Variants in SOD2 observed in about 807,000 individuals in gnomAD.
SOD2 encodes superoxide dismutase [Mn], mitochondrial.
A neutral mutation model predicts 27.0 loss-of-function variants in SOD2; 11 were observed. That is an observed-to-expected ratio of 0.41 (90% confidence interval 0.26 to 0.67). SOD2 has a LOEUF of 0.67. Among genes scored for constraint, SOD2 ranks in the 30% least tolerant of loss-of-function variants. The probability of loss-of-function intolerance (pLI) is 0.34; values close to 1 mark genes in which losing one functional copy is unlikely to be tolerated. For missense variants in SOD2, 250 were observed against 274.5 expected (o/e 0.91, Z 0.63); for synonymous variants, 105 against 103.0 (o/e 1.02, Z -0.12).
chr6:159,685,219 CT>C (rs750824041), intron 3 of SOD2, among the ~76,000 whole-genome samples, 186 bp from the exon 4 acceptor site: 560 of 73,924 alleles, frequency 7.6e-3, no homozygotes, highest in African/African-American at 0.021. Flanking sequence ...ATAACTTCAA[CT>C]TTTTTTTTTT....
intron 1 of SOD2, among the ~76,000 whole-genome samples, chr6:159,723,623 G>C (rs773038978): frequency 2.0e-5 from 3 of 152,134 alleles, no homozygotes; most frequent in Non-Finnish European, 2.9e-5. Context: ...ATACATCCTG[G>C]TTCAGCCAGG....
At position 159,714,846 on chromosome 6, in the gene SOD2, T is replaced by G. The variant is rs78933761; in HGVS notation, c.-116+12283A>C. Among the ~76,000 whole-genome samples the G allele has an allele frequency of 5.0e-4, 76 of 152,228 alleles. 3 individuals are homozygous for G. The highest frequency in any genetic ancestry group is 1.8e-3 in the African/African-American group (73 of 41,546). On this transcript the variant is annotated intron_variant, in intron 1 of 2. Transcript: ENST00000401980. Reference sequence around the variant, plus strand: ...GTAGACTGCCTCCTTTCTTGGACCTTTAGTTATACATAAGAGGCTTTTGCT... The same window carrying G: ...GTAGACTGCCTCCTTTCTTGGACCTGTAGTTATACATAAGAGGCTTTTGCT...
rs145164474 is a variant in SOD2, at chr6:159,714,164, A to G, written c.-116+12965T>C. Among the ~76,000 whole-genome samples, 53 of 152,326 alleles carry G rather than the reference A, an allele frequency of 3.5e-4. 1 individual carries two copies. Among genetic ancestry groups the G allele is most frequent in the African/African-American group, 1.3e-3 (53 of 41,570 alleles). ...GGCTTTACCTCTAATCTCTGCTGCCATCTGACTTCTCTGTGCCTCTGCTGT... is the reference window on the plus strand; with the variant it reads ...GGCTTTACCTCTAATCTCTGCTGCCGTCTGACTTCTCTGTGCCTCTGCTGT... On this transcript the variant is annotated intron_variant, in intron 1 of 2. Coordinates refer to the SOD2 transcript ENST00000401980.
In SOD2 at chr6:159,672,806, TAA is replaced by T. The variant is rs1233507003; in HGVS notation, c.*9685_*9686del. On this transcript the variant is annotated 3_prime_UTR_variant, in exon 5 of 5. Coordinates refer to ENST00000538183, the MANE Select transcript of SOD2 (RefSeq NM_000636.4). ...AAAAGACACAGACTGGCACACTGGA[TAA>T]AGAGTCAAGACCCATCAGGGTGCTG... The T allele has an allele frequency of 3.3e-5, 5 of 151,760 alleles. No individual in the cohort carries two copies. Among genetic ancestry groups the T allele is most frequent in the Non-Finnish European group, 7.4e-5 (5 of 67,984 alleles). 9.4% of individuals were successfully genotyped at this position (151,760 alleles called of 1,614,324 possible).
In SOD2 at chr6:159,759,446, C is replaced by T. The variant is rs576003383; in HGVS notation, c.-336+1591G>A. On this transcript the variant is annotated intron_variant, in intron 1 of 7. Transcript: ENST00000546087. ...CAGCACTTTGGGAGGCCGAGGTGGG[C>T]GGATCACAAGGTCAGGAGTTCGAGA... 1.1e-4 allele frequency among the ~76,000 whole-genome samples: 16 copies of T among 150,866 alleles called. No individual in the cohort carries two copies. The South Asian group carries it at 1.3e-3, about 12-fold the overall frequency.
intron 1 of SOD2, among the ~76,000 whole-genome samples, chr6:159,737,881 G>A (rs1454038989): frequency 6.6e-6 from 1 of 152,180 alleles, no homozygotes; most frequent in African/African-American, 2.4e-5. Flanking sequence ...TTTGAAGCAT[G>A]TTAGCTTATG....
At chr6:159,712,289 ACCATAACCACCT>A (rs1197190670) in intron 1 of SOD2, among the ~76,000 whole-genome samples, 3 of 136,956 alleles carry the variant, frequency 2.2e-5, no homozygotes, top group Non-Finnish European at 3.1e-5. Context: ...TGCTCTGATC[ACCATAACCACCT>A]CCATAACCAC....
At position 159,674,032 on chromosome 6, in the gene SOD2, C is replaced by G. The variant is rs1364360031; in HGVS notation, c.*8461G>C. 3 of 152,138 alleles carry G rather than the reference C, an allele frequency of 2.0e-5. No homozygotes were observed. The highest frequency in any genetic ancestry group is 6.5e-5 in the Admixed American group (1 of 15,274). 9.4% of individuals were successfully genotyped at this position (152,138 alleles called of 1,614,324 possible). A position where few individuals can be genotyped will look rare whatever the true frequency, so the allele number is the denominator to read the frequency against. ...AAATTCCTGGACACATACACCCTCTCAAAACTAAACCAGGAAGAAGTTTAA... is the reference window on the plus strand; with the variant it reads ...AAATTCCTGGACACATACACCCTCTGAAAACTAAACCAGGAAGAAGTTTAA... On this transcript the variant is annotated 3_prime_UTR_variant, in exon 5 of 5. Coordinates refer to ENST00000538183, the MANE Select transcript of SOD2 (RefSeq NM_000636.4).
At chr6:159,704,495 G>C (rs1042331475) in intron 1 of SOD2, among the ~76,000 whole-genome samples, 4 of 152,262 alleles carry the variant, frequency 2.6e-5, no homozygotes, top group African/African-American at 9.6e-5. Context: ...GCCTGGCTCA[G>C]AGGGTGCCAC....
chr6:159,696,507 A>G (rs1233309419), upstream of SOD2, among the ~76,000 whole-genome samples: 1 of 151,420 alleles, frequency 6.6e-6, no homozygotes, highest in Admixed American at 6.6e-5. Flanking sequence ...TTTAGTGGAG[A>G]TGGGGTTTCA....
At chr6:159,701,776 G>A (rs576480068) in intron 1 of SOD2, among the ~76,000 whole-genome samples, 1 of 152,176 alleles carries the variant, frequency 6.6e-6, no homozygotes, top group East Asian at 1.9e-4. Context: ...GTATTTGAAT[G>A]GTACCCAACA....
At chr6:159,731,254 A>T (rs1442290257), upstream of SOD2, among the ~76,000 whole-genome samples, 3 of 151,974 alleles carry the variant, frequency 2.0e-5, no homozygotes, top group Admixed American at 1.3e-4. Context: ...TGAGCCCAGG[A>T]GTTCAAGACC....
rs1057397202 is a variant in SOD2 at position 159,680,206 on chromosome 6, G to A, written c.*2287C>T. 6.6e-6 allele frequency: 1 copy of A among 152,200 alleles called. No individual in the cohort carries two copies. The highest frequency in any genetic ancestry group is 2.4e-5 in the African/African-American group (1 of 41,448). 9.4% of individuals were successfully genotyped at this position (152,200 alleles called of 1,614,324 possible). A position where few individuals can be genotyped will look rare whatever the true frequency, so the allele number is the denominator to read the frequency against. On this transcript the variant is annotated 3_prime_UTR_variant, in exon 5 of 5. Transcript: ENST00000538183. ...ACCTTGTTAGTTCAATACAAACCAT[G>A]ATCTAGCAGACAACTTATATTCAAA...
exon 1 of SOD2, chr6:159,762,132 G>A: frequency 6.2e-7 from 1 of 1,612,380 alleles, no homozygotes. Flanking sequence ...CGGCGGCGCG[G>A]ACCATCATAG....
upstream of SOD2, among the ~76,000 whole-genome samples, chr6:159,697,482 T>A (rs1186320229): frequency 1.3e-5 from 2 of 152,172 alleles, no homozygotes; most frequent in Admixed American, 6.5e-5. Context: ...GAGCTTAATT[T>A]TTTTCCCCAC....
chr6:159,709,386 C>A (rs1009313204), intron 1 of SOD2, among the ~76,000 whole-genome samples: 4 of 152,090 alleles, frequency 2.6e-5, no homozygotes, highest in Admixed American at 6.6e-5. Flanking sequence ...GGGCTAATAT[C>A]CAGAATCTAC....
intron 2 of SOD2, among the ~76,000 whole-genome samples, chr6:159,690,511 G>T (rs1336460477): frequency 6.6e-6 from 1 of 152,060 alleles, no homozygotes; most frequent in African/African-American, 2.4e-5. Flanking sequence ...AGCTCCAGTT[G>T]TTTAGCGATT....
At chr6:159,699,047 C>T (rs1259124316) in intron 1 of SOD2, among the ~76,000 whole-genome samples, 4 of 152,030 alleles carry the variant, frequency 2.6e-5, no homozygotes, top group East Asian at 1.9e-4. Context: ...TGTGTAGCTC[C>T]GTGCCTTTAA....
rs568876253 is a variant in SOD2, at chr6:159,743,828, A to G, written c.-116+1302T>C. ...CAAGTTATATAAATGTCTTTAGTTG[A>G]GGAATTGGTTTTTAGTCCACATTAT... is the stretch of plus-strand genomic sequence containing the variant. On this transcript the variant is annotated intron_variant, in intron 1 of 3. Coordinates refer to the SOD2 transcript ENST00000537657. The G allele has an allele frequency of 3.9e-6, 6 of 1,555,812 alleles. No homozygotes were observed. The South Asian group carries it at 5.0e-5, about 13-fold the overall frequency.
Sources: allele counts gnomAD v4.1 joint callset (sites outside exome capture counted in the v4.1 genomes callset), GRCh38; gene constraint gnomAD v4.1.1; transcripts MANE v1.5; gene names NCBI Gene and HGNC (gene_info 2026-07-23, HGNC 2026-07-21).